The following MEGF11 variants were observed in gnomAD, a reference collection of about 807,000 sequenced individuals.
The protein encoded by MEGF11 is multiple epidermal growth factor-like domains protein 11.
Under a neutral mutation model 146.6 loss-of-function variants are expected in MEGF11, and 126 were observed. The observed-to-expected ratio is 0.86, with a 90% CI of 0.74 to 1.00. The LOEUF is 1.00. Ranked by LOEUF, MEGF11 falls within the 50% of genes least tolerant of loss-of-function variation. MEGF11 has a pLI of 0.00. For missense variants in MEGF11, 1,509 were observed against 1,521.2 expected (o/e 0.99, Z 0.13); for synonymous variants, 532 against 583.4 (o/e 0.91, Z 1.27).
At chr15:66,012,195 C>T (rs892539809) in intron 5 of MEGF11, among the ~76,000 whole-genome samples, 9 of 152,108 alleles carry the variant, frequency 5.9e-5, no homozygotes, top group Admixed American at 6.5e-5. Flanking sequence ...CTGATCTCTA[C>T]CAAAAACATT....
intron 5 of MEGF11, among the ~76,000 whole-genome samples, chr15:66,025,227 C>T (rs1026898464): frequency 6.6e-6 from 1 of 152,204 alleles, no homozygotes; most frequent in Non-Finnish European, 1.5e-5. Context: ...GAAAACACAC[C>T]CGCATTCTCC....
In MEGF11 at chr15:65,982,435, T is replaced by C; in HGVS notation, c.448A>G (p.Asn150Asp). The change falls in exon 6 of 26, where the codon AAC becomes GAC. Residue 150 changes from asparagine to aspartate, a missense_variant. Transcript: ENST00000395614. This position sits in a 1 kb window ranked among gnomAD's most constrained non-coding sequence, Gnocchi z 5.6. ...PHCSNRCQCQ[N>D]GALCNPITGA... ...GTGATGGGGTTACACAGGGCGCCGT[T>C]CTGGCACTGGCACCGGTTGCTGCAG... is the stretch of plus-strand genomic sequence containing the variant. 1 of 1,497,180 alleles carries C rather than the reference T, an allele frequency of 6.7e-7. No homozygotes were observed. Among genetic ancestry groups the C allele is most frequent in the South Asian group, 1.3e-5 (1 of 76,812 alleles). The allele number at this position is 1,497,180 out of a possible 1,614,324, so 92.7% of individuals were successfully genotyped here.
chr15:66,228,156 A>G (rs1245160229), intron 1 of MEGF11, among the ~76,000 whole-genome samples: 2 of 152,102 alleles, frequency 1.3e-5, no homozygotes, highest in Non-Finnish European at 2.9e-5. Context: ...AGAATCTCAA[A>G]ATCCAAGGCA....
chr15:66,025,601 A>G (rs1048521539), intron 5 of MEGF11, among the ~76,000 whole-genome samples: 1 of 152,074 alleles, frequency 6.6e-6, no homozygotes, highest in African/African-American at 2.4e-5. Flanking sequence ...CTTAACCTAT[A>G]ATATGGGAAT....
At chr15:66,154,281 T>A (rs774113378) in intron 1 of MEGF11, among the ~76,000 whole-genome samples, 42 of 120,766 alleles carry the variant, frequency 3.5e-4, no homozygotes, top group Admixed American at 1.2e-3. Context: ...TTCACTCCAT[T>A]CTCCCTCCCC....
intron 5 of MEGF11, among the ~76,000 whole-genome samples, chr15:66,071,176 C>G (rs187347025): frequency 6.6e-6 from 1 of 152,180 alleles, no homozygotes; most frequent in Non-Finnish European, 1.5e-5. Context: ...CCTCCTGCCC[C>G]GTACACAGGT....
Position 65,916,930 on chromosome 15 carries a change from C to T in MEGF11, c.2113G>A (p.Ala705Thr), listed in dbSNP as rs753342115. ...QACPPGFWGP[A>T]CFHACSCHNG... Reference sequence around the variant, plus strand: ...TGGCAGCTGCATGCGTGGAAGCAGGCGGGGCCCCAGAACCCGGGTGGGCAA... The same window carrying T: ...TGGCAGCTGCATGCGTGGAAGCAGGTGGGGCCCCAGAACCCGGGTGGGCAA... Residue 705 changes from alanine to threonine, a missense_variant, in exon 17 of 26, where the codon GCC becomes ACC. Transcript: ENST00000395614. The T allele has an allele frequency of 3.2e-5, 50 of 1,539,732 alleles. 1 individual carries two copies. Among genetic ancestry groups the T allele is most frequent in the Middle Eastern group, 2.1e-4 (1 of 4,788 alleles).
At chr15:66,101,508 C>T (rs1351503574) in intron 4 of MEGF11, among the ~76,000 whole-genome samples, 1 of 152,202 alleles carries the variant, frequency 6.6e-6, no homozygotes, top group African/African-American at 2.4e-5. Flanking sequence ...CCTCTCACTG[C>T]TCCCACAGTA....
intron 10 of MEGF11, among the ~76,000 whole-genome samples, chr15:65,950,078 A>G (rs903819323): frequency 1.1e-4 from 16 of 152,342 alleles, no homozygotes; most frequent in African/African-American, 3.8e-4. Flanking sequence ...CACTCAGGCC[A>G]GGACCAGTCA....
intron 1 of MEGF11, among the ~76,000 whole-genome samples, chr15:66,181,467 G>T (rs896984845): frequency 6.6e-6 from 1 of 152,140 alleles, no homozygotes; most frequent in Non-Finnish European, 1.5e-5. Context: ...GCAGAAATTT[G>T]CCAGCTTTTT....
At chr15:66,147,059 C>T (rs988799514) in intron 1 of MEGF11, among the ~76,000 whole-genome samples, 7 of 152,124 alleles carry the variant, frequency 4.6e-5, no homozygotes, top group Non-Finnish European at 8.8e-5. Context: ...CAATTGTAGC[C>T]GCTAGGTCCC....
intron 1 of MEGF11, among the ~76,000 whole-genome samples, chr15:66,135,887 T>C (rs887340822): frequency 6.6e-6 from 1 of 152,218 alleles, no homozygotes; most frequent in Non-Finnish European, 1.5e-5. Context: ...TTAACCTCTC[T>C]GAGTTTCACT....
At chr15:66,062,583 A>G (rs954549742) in intron 5 of MEGF11, among the ~76,000 whole-genome samples, 1 of 152,246 alleles carries the variant, frequency 6.6e-6, no homozygotes, top group African/African-American at 2.4e-5. Flanking sequence ...ACTGCAGCCC[A>G]CCGACACCTT....
chr15:66,167,644 TCAAACAAACAAACAAAACAAA>T (rs1445494227), intron 1 of MEGF11, among the ~76,000 whole-genome samples: 1 of 146,718 alleles, frequency 6.8e-6, no homozygotes, highest in Non-Finnish European at 1.5e-5. Context: ...AAATTCCGTC[TCAAACAAACAAACAAAACAAA>T]CAAACAAACA....
chr15:66,082,672 CAAAAAAA>C, intron 5 of MEGF11, among the ~76,000 whole-genome samples: 1 of 39,150 alleles, frequency 2.6e-5, no homozygotes, highest in African/African-American at 1.1e-4. Context: ...GACTCTGTCT[CAAAAAAA>C]AAAAAAAAAA....
At chr15:66,197,913 A>G (rs2091049906) in intron 1 of MEGF11, among the ~76,000 whole-genome samples, 1 of 152,152 alleles carries the variant, frequency 6.6e-6, no homozygotes, top group Non-Finnish European at 1.5e-5. Flanking sequence ...TGCCCACAGA[A>G]CAAGTTATAT....
intron 5 of MEGF11, among the ~76,000 whole-genome samples, chr15:66,089,011 C>A (rs1193291601): frequency 6.6e-6 from 1 of 152,104 alleles, no homozygotes; most frequent in East Asian, 1.9e-4. Context: ...TATCTTTTAC[C>A]AGGACTTTTT....
chr15:66,205,951 A>T (rs1275884032), intron 1 of MEGF11, among the ~76,000 whole-genome samples: 1 of 152,256 alleles, frequency 6.6e-6, no homozygotes, highest in African/African-American at 2.4e-5. Flanking sequence ...AAAAAGAACA[A>T]TCAATAAATG....
chr15:66,001,086 G>T (rs1336792338), intron 5 of MEGF11, among the ~76,000 whole-genome samples: 3 of 152,196 alleles, frequency 2.0e-5, no homozygotes, highest in Non-Finnish European at 4.4e-5. Flanking sequence ...GAGTTGACAT[G>T]TGGGGACAGA....
Sources: gnomAD v4.1 joint callset for allele counts (sites outside exome capture counted in the v4.1 genomes callset) on GRCh38, gnomAD v4.1.1 for gene constraint, Gnocchi (gnomAD v3.1) non-coding constraint, MANE v1.5 for transcripts, NCBI Gene and HGNC (gene_info 2026-07-23, HGNC 2026-07-21) for gene names.